TMEM237: variants seen among roughly 807,000 people sequenced by gnomAD.
TMEM237 encodes the protein amyotrophic lateral sclerosis 2 (juvenile) chromosome region, candidate 4.
A neutral mutation model predicts 59.1 loss-of-function variants in TMEM237; 51 were observed. The observed-to-expected ratio is 0.86, with a 90% CI of 0.69 to 1.09. The LOEUF is 1.09. Ranked by LOEUF, TMEM237 falls within the 50% of genes least tolerant of loss-of-function variation. The pLI is 0.00. For missense variants in TMEM237, 475 were observed against 478.3 expected, an observed-to-expected ratio of 0.99 and a Z score of 0.06; for synonymous variants, 140 against 166.1, an observed-to-expected ratio of 0.84 and a Z score of 1.21.
intron 7 of TMEM237, 52 bp from the exon 8 acceptor site, chr2:201,629,904 G>A: frequency 1.3e-6 from 2 of 1,575,666 alleles, no homozygotes; most frequent in Admixed American, 2.0e-5. Flanking sequence ...AACCCTGGTA[G>A]CCATTTTTTT....
chr2:201,640,313 C>CA, intron 2 of TMEM237, 48 bp from the exon 3 acceptor site: 2 of 1,511,564 alleles, frequency 1.3e-6, no homozygotes, highest in African/African-American at 1.4e-5. Flanking sequence ...AGGACAAAGA[C>CA]AAAAAAGAAA....
At position 201,621,088 on chromosome 2, in the gene TMEM237, G is replaced by A. The variant is rs530012065; in HGVS notation, c.*3167C>T. 1 of 152,146 alleles carries A rather than the reference G, an allele frequency of 6.6e-6. No individual in the cohort carries two copies. Among genetic ancestry groups the A allele is most frequent in the Non-Finnish European group, 1.5e-5 (1 of 68,022 alleles). The allele number at this position is 152,146 out of a possible 1,614,324, so 9.4% of individuals were successfully genotyped here. On this transcript the variant is annotated 3_prime_UTR_variant, in exon 13 of 13. Coordinates refer to ENST00000409883, the MANE Select transcript of TMEM237 (RefSeq NM_001044385.3). Reference sequence around the variant, plus strand: ...ACTCTGTTCTTAGGGTTCATGTTATGCAACATAAAGTACACAGCATCACAG... The same window carrying A: ...ACTCTGTTCTTAGGGTTCATGTTATACAACATAAAGTACACAGCATCACAG...
intron 1 of TMEM237, among the ~76,000 whole-genome samples, 198 bp from the exon 2 acceptor site, chr2:201,641,122 G>A (rs1687406501): frequency 6.6e-6 from 1 of 151,996 alleles, no homozygotes; most frequent in Non-Finnish European, 1.5e-5. Context: ...CTCCCAAGTA[G>A]CTGGGATTAC....
intron 1 of TMEM237, among the ~76,000 whole-genome samples, chr2:201,641,872 A>G (rs1295429034): frequency 1.3e-5 from 2 of 152,092 alleles, no homozygotes; most frequent in Non-Finnish European, 2.9e-5. Context: ...TTGGGCTTGG[A>G]ATGTTTCAGG....
At chr2:201,636,572 A>T in intron 5 of TMEM237, 176 bp downstream of exon 5, 1 of 668,144 alleles carries the variant, frequency 1.5e-6, no homozygotes, top group East Asian at 2.8e-5. Context: ...AGAGACCTGT[A>T]AAGTATTCTT....
At chr2:201,641,389 T>G (rs1300771161) in intron 1 of TMEM237, among the ~76,000 whole-genome samples, 1 of 152,142 alleles carries the variant, frequency 6.6e-6, no homozygotes, top group Non-Finnish European at 1.5e-5. Flanking sequence ...TGTTCATCAG[T>G]GAAACCTGGG....
intron 1 of TMEM237, among the ~76,000 whole-genome samples, chr2:201,641,588 T>C (rs968093593): frequency 1.3e-5 from 2 of 151,622 alleles, no homozygotes; most frequent in Admixed American, 1.3e-4. Context: ...GGTTGAGTAT[T>C]AGAAACAATG....
rs2105896187 is a variant in TMEM237 at position 201,623,837 on chromosome 2, G to A, written c.*418C>T. 1 of 154,046 alleles carries A rather than the reference G, an allele frequency of 6.5e-6. No homozygotes were observed. The highest frequency in any genetic ancestry group is 6.5e-5 in the Admixed American group (1 of 15,376). The allele number at this position is 154,046 out of a possible 1,614,324, so 9.5% of individuals were successfully genotyped here. On this transcript the variant is annotated 3_prime_UTR_variant, in exon 13 of 13. Transcript: ENST00000409883. The stretch of plus-strand genomic sequence containing the variant: ...CAAACTTCATATTTCAATTTATTCA[G>A]TAAGGGGAGGTCAAAAATGAAGGCT...
At position 201,628,069 on chromosome 2, in the gene TMEM237, T is replaced by A. The variant is rs755501378; in HGVS notation, c.943+7A>T. The A allele has an allele frequency of 1.9e-6, 3 of 1,602,328 alleles. No homozygotes were observed. Among genetic ancestry groups the A allele is most frequent in the Non-Finnish European group, 2.6e-6 (3 of 1,173,148 alleles). ...TACACAGTTATCATGTTAAACTGCT[T>A]ACTCACAGAAAGATGCTAAAGCTGT... On this transcript the variant is annotated splice_region_variant and intron_variant, in intron 10 of 12. Transcript: ENST00000409883.
In TMEM237 at chr2:201,629,771, C is replaced by A; in HGVS notation, c.635G>T (p.Trp212Leu). The change falls in exon 8 of 13, where the codon TGG becomes TTG. Residue 212 changes from tryptophan (W) to leucine (L), a missense_variant. Physicochemically the swap from Trp to Leu is moderately conservative, Grantham distance 61. Coordinates refer to ENST00000409883, the MANE Select transcript of TMEM237 (RefSeq NM_001044385.3). ...IDVSMDVKPS[W>L]TTRDVALTVH... ...TGTAAGTGCCACATCTCTGGTGGTCCAGGAAGGCTTCACGTCCATTGACAC... is the reference window on the plus strand; with the variant it reads ...TGTAAGTGCCACATCTCTGGTGGTCAAGGAAGGCTTCACGTCCATTGACAC... 1 of 1,613,562 alleles carries A rather than the reference C, an allele frequency of 6.2e-7. No individual in the cohort carries two copies. Among genetic ancestry groups the A allele is most frequent in the Non-Finnish European group, 8.5e-7 (1 of 1,179,814 alleles).
chr2:201,626,025 C>T lies in TMEM237; in HGVS notation c.1159+1G>A, dbSNP rs1008510854. ...CTTATGCTATTTTTTTTCTTTAATA[C>T]CTTCACTAAGATCCATGCCTGGCCT... On this transcript the variant is annotated splice_donor_variant, in intron 12 of 12. Coordinates refer to ENST00000409883, the MANE Select transcript of TMEM237 (RefSeq NM_001044385.3). LOFTEE classifies it high-confidence loss of function. 1 of 1,572,880 alleles carries T rather than the reference C, an allele frequency of 6.4e-7. No homozygotes were observed. Among genetic ancestry groups the T allele is most frequent in the Admixed American group, 1.9e-5 (1 of 53,358 alleles).
intron 4 of TMEM237, among the ~76,000 whole-genome samples, chr2:201,637,744 C>CAAA (rs60167652): frequency 3.5e-4 from 22 of 63,388 alleles, no homozygotes; most frequent in African/African-American, 1.0e-3. Context: ...GACTCCGTCT[C>CAAA]AAAAAAAAAA....
chr2:201,629,022 T>C (rs1467361877), intron 9 of TMEM237, among the ~76,000 whole-genome samples: 1 of 152,232 alleles, frequency 6.6e-6, no homozygotes, highest in Non-Finnish European at 1.5e-5. Context: ...TATGAATTGA[T>C]GCTGGAATGG....
Position 201,632,049 on chromosome 2 carries a change from A to G in TMEM237, c.553+2T>C. ...ATATTCTAAAACAAGGCATCTACTTACGGCTTTTTTCCACAAATACTTTGC... is the reference window on the plus strand; with the variant it reads ...ATATTCTAAAACAAGGCATCTACTTGCGGCTTTTTTCCACAAATACTTTGC... On this transcript the variant is annotated splice_donor_variant, in intron 7 of 12. Transcript: ENST00000409883. LOFTEE classifies it high-confidence loss of function. The G allele has an allele frequency of 6.2e-7, 1 of 1,613,728 alleles. No individual in the cohort carries two copies. Among genetic ancestry groups the G allele is most frequent in the Non-Finnish European group, 8.5e-7 (1 of 1,179,726 alleles).
At chr2:201,636,967 T>C (rs987366461) in intron 4 of TMEM237, 82 bp from the exon 5 acceptor site, 6 of 1,379,188 alleles carry the variant, frequency 4.4e-6, no homozygotes, top group Non-Finnish European at 5.8e-6. Flanking sequence ...AAAAGGTAAC[T>C]AGAATGTTTC....
chr2:201,642,788 C>T, intron 1 of TMEM237: 2 of 1,421,768 alleles, frequency 1.4e-6, no homozygotes, highest in Non-Finnish European at 9.1e-7. Flanking sequence ...GAGAGGCGTG[C>T]AGGGACCTGG....
At position 201,635,726 on chromosome 2, in the gene TMEM237, C is replaced by T. The variant is rs1054375036; in HGVS notation, c.274+1022G>A. On this transcript the variant is annotated intron_variant, in intron 5 of 12. Coordinates refer to ENST00000409883, the MANE Select transcript of TMEM237 (RefSeq NM_001044385.3). This position sits in a 1 kb window ranked among gnomAD's most constrained non-coding sequence, Gnocchi z 4.5. Reference sequence around the variant, plus strand: ...CCAGTGAGCTGAGATCGCACCATTGCACTCCAGCCTGGGCTATAAGAGTGA... The same window carrying T: ...CCAGTGAGCTGAGATCGCACCATTGTACTCCAGCCTGGGCTATAAGAGTGA... Among the ~76,000 whole-genome samples, 3 of 149,960 alleles carry T rather than the reference C, an allele frequency of 2.0e-5. No homozygotes were observed. The highest frequency in any genetic ancestry group is 7.4e-5 in the African/African-American group (3 of 40,472).
chr2:201,633,207 T>C, intron 6 of TMEM237, 104 bp downstream of exon 6: 1 of 1,177,240 alleles, frequency 8.5e-7, no homozygotes, highest in Non-Finnish European at 1.1e-6. Flanking sequence ...GGTACACAAA[T>C]ACAAGTATGT....
rs370072190 is a variant in TMEM237 at position 201,632,793 on chromosome 2, G to A, written c.395+518C>T. Among the ~76,000 whole-genome samples the A allele has an allele frequency of 1.9e-3, 295 of 152,120 alleles. 1 individual carries two copies. The highest frequency in any genetic ancestry group is 6.6e-3 in the African/African-American group (272 of 41,488). ...ATGTCTTTATTAGTAGTGTGAGAAC[G>A]GACTAACACAGACATTGATCACTAT... On this transcript the variant is annotated intron_variant, in intron 6 of 12. Transcript: ENST00000409883.
Sources: allele counts gnomAD v4.1 joint callset (sites outside exome capture counted in the v4.1 genomes callset), GRCh38; gene constraint gnomAD v4.1.1; non-coding constraint Gnocchi (gnomAD v3.1); transcripts MANE v1.5; gene names NCBI Gene and HGNC (gene_info 2026-07-23, HGNC 2026-07-21).